Variants in GAS7 observed in about 807,000 individuals in gnomAD.
GAS7 encodes growth arrest-specific protein 7.
In GAS7, 28 loss-of-function variants were observed where a neutral mutation model predicts 71.1. That is an observed-to-expected ratio of 0.39 (90% CI 0.29 to 0.54). The LOEUF is 0.54. GAS7 is among the 20% of genes least tolerant of loss of function. The pLI, the probability that GAS7 is intolerant of heterozygous loss-of-function variation, is 0.62. For missense variants in GAS7, 436 were observed against 627.8 expected (o/e 0.69, Z 3.27); for synonymous variants, 258 against 245.8 (o/e 1.05, Z -0.46).
intron 1 of GAS7, among the ~76,000 whole-genome samples, chr17:10,079,775 C>G (rs1012396652): frequency 1.3e-5 from 2 of 152,202 alleles, no homozygotes; most frequent in African/African-American, 4.8e-5. Context: ...GTCATGGTCA[C>G]TCATATTTAG....
At chr17:10,102,714 T>C (rs780368467) in intron 1 of GAS7, among the ~76,000 whole-genome samples, 18 of 151,884 alleles carry the variant, frequency 1.2e-4, no homozygotes, top group Non-Finnish European at 2.1e-4. Flanking sequence ...TACCAATTAA[T>C]TCACAACCTC....
At chr17:10,035,430 C>CT (rs2072724806) in intron 1 of GAS7, among the ~76,000 whole-genome samples, 1 of 152,184 alleles carries the variant, frequency 6.6e-6, no homozygotes, top group African/African-American at 2.4e-5. Context: ...GCACGTTAAC[C>CT]TTTGAGAAGC....
In GAS7 at chr17:9,914,971, C is replaced by T. The variant is rs191328802; in HGVS notation, c.*2257G>A. 1.7e-3 allele frequency: 400 copies of T among 232,418 alleles called. 2 individuals are homozygous for T. The highest frequency in any genetic ancestry group is 3.7e-3 in the Admixed American group (65 of 17,768). 14.4% of individuals were successfully genotyped at this position (232,418 alleles called of 1,614,324 possible). ...AACGAGCGATCACGGGCTTCCCTGA[C>T]GACAGGGCCATTATAGTGTCCTCAG... On this transcript the variant is annotated 3_prime_UTR_variant, in exon 14 of 14. Transcript: ENST00000432992.
intron 1 of GAS7, among the ~76,000 whole-genome samples, chr17:10,128,728 T>C (rs1259993015): frequency 1.3e-5 from 2 of 151,370 alleles, no homozygotes; most frequent in Non-Finnish European, 2.9e-5. Flanking sequence ...CACACCATTC[T>C]CCTGCCTCAG....
intron 1 of GAS7, among the ~76,000 whole-genome samples, chr17:10,116,742 G>A (rs1423117029): frequency 2.0e-5 from 3 of 152,068 alleles, no homozygotes; most frequent in South Asian, 2.1e-4. Context: ...TACACCAGAC[G>A]CAGGTTTCGA....
intron 1 of GAS7, among the ~76,000 whole-genome samples, chr17:10,161,964 G>A (rs1477357355): frequency 6.6e-6 from 1 of 151,836 alleles, no homozygotes; most frequent in African/African-American, 2.4e-5. Context: ...CTACTCAGGA[G>A]GCTGAGGCAG....
intron 1 of GAS7, among the ~76,000 whole-genome samples, chr17:10,166,617 A>G (rs1025497723): frequency 7.2e-5 from 11 of 152,226 alleles, no homozygotes; most frequent in Admixed American, 5.2e-4. Flanking sequence ...ATGTGCACAC[A>G]CACATTTTGT....
intron 12 of GAS7, among the ~76,000 whole-genome samples, chr17:9,918,886 G>A (rs543526700): frequency 2.6e-5 from 4 of 152,250 alleles, no homozygotes; most frequent in Admixed American, 1.3e-4. Flanking sequence ...AGATTAACCA[G>A]GAGGAAAACT....
intron 2 of GAS7, among the ~76,000 whole-genome samples, chr17:10,012,685 G>A (rs1436197626): frequency 6.6e-6 from 1 of 152,188 alleles, no homozygotes; most frequent in Admixed American, 6.5e-5. Flanking sequence ...TGGTCTGAAT[G>A]TTTGTGTCCC....
intron 3 of GAS7, among the ~76,000 whole-genome samples, chr17:9,972,664 CTA>C (rs2070017978): frequency 6.6e-6 from 1 of 152,144 alleles, no homozygotes; most frequent in African/African-American, 2.4e-5. Flanking sequence ...CACAAATAAA[CTA>C]TCAATAAATG....
At position 9,911,462 on chromosome 17, in the gene GAS7, A is replaced by G. The variant is rs1327739823; in HGVS notation, c.*5766T>C. Reference sequence around the variant, plus strand: ...GGAACAGTCCTGAACACCACACGCAATCTCCAAAGGCCATCGCCCCAACCT... The same window carrying G: ...GGAACAGTCCTGAACACCACACGCAGTCTCCAAAGGCCATCGCCCCAACCT... On this transcript the variant is annotated 3_prime_UTR_variant, in exon 14 of 14. Transcript: ENST00000432992. This position sits in a 1 kb window ranked among gnomAD's most constrained non-coding sequence, Gnocchi z 4.0. 1.7e-5 allele frequency: 4 copies of G among 232,738 alleles called. No individual in the cohort carries two copies. The highest frequency in any genetic ancestry group is 3.4e-5 in the Non-Finnish European group (4 of 117,940). The allele number at this position is 232,738 out of a possible 1,614,324, so 14.4% of individuals were successfully genotyped here.
intron 1 of GAS7, among the ~76,000 whole-genome samples, chr17:10,136,324 T>C (rs900331466): frequency 2.0e-5 from 3 of 152,128 alleles, no homozygotes; most frequent in African/African-American, 7.2e-5. Context: ...CCTGGGGACA[T>C]CCAAACCCTT....
intron 1 of GAS7, among the ~76,000 whole-genome samples, chr17:10,037,617 T>C (rs1404060184): frequency 6.6e-6 from 1 of 152,060 alleles, no homozygotes; most frequent in Non-Finnish European, 1.5e-5. Context: ...GCTAAGCTGT[T>C]GTTTTACTAC....
chr17:10,103,824 T>A lies in GAS7; in HGVS notation c.184-83927A>T. On this transcript the variant is annotated intron_variant, in intron 1 of 13. Coordinates refer to ENST00000432992, the MANE Select transcript of GAS7 (RefSeq NM_201433.2). The surrounding 1 kb of genome is among the most constrained non-coding windows in gnomAD (Gnocchi z 5.5). The stretch of plus-strand genomic sequence containing the variant: ...CTGGGTGACACAGCAAGACTGCATC[T>A]CAAAAAATCTCAAAAAAAAAAAAAA... Among the ~76,000 whole-genome samples the A allele has an allele frequency of 7.0e-6, 1 of 143,162 alleles. No homozygotes were observed. 93.9% of individuals were successfully genotyped at this position (143,162 alleles called of 152,430 possible). A position where few individuals can be genotyped will look rare whatever the true frequency, so the allele number is the denominator to read the frequency against.
At chr17:10,185,698 C>CGCTCTCA (rs1230576115) in intron 1 of GAS7, among the ~76,000 whole-genome samples, 1 of 152,120 alleles carries the variant, frequency 6.6e-6, no homozygotes, top group Non-Finnish European at 1.5e-5. Flanking sequence ...TGTGGGACTG[C>CGCTCTCA]GCTCTCAGCC....
chr17:10,007,300 A>G (rs61344468), intron 2 of GAS7, among the ~76,000 whole-genome samples: 38,052 of 152,092 alleles, frequency 0.25, 7,550 homozygotes, highest in African/African-American at 0.56. Flanking sequence ...TGGCAATCAG[A>G]CAGAAAGACT....
chr17:10,061,498 C>T (rs1567575032), intron 1 of GAS7: 2 of 152,284 alleles, frequency 1.3e-5, no homozygotes, highest in African/African-American at 2.4e-5. Flanking sequence ...GCTGTCTGCC[C>T]CTCCTTGCCA....
intron 2 of GAS7, among the ~76,000 whole-genome samples, chr17:9,985,556 C>T (rs559026636): frequency 5.4e-4 from 83 of 152,370 alleles, no homozygotes; most frequent in Non-Finnish European, 8.5e-4. Flanking sequence ...ATCAAGATTG[C>T]TCTTCTTCCC....
In GAS7 at chr17:9,951,760, C is replaced by CAAAAAAAAA. The variant is rs59048492; in HGVS notation, c.526-4786_526-4778dup. On this transcript the variant is annotated intron_variant, in intron 5 of 13. Transcript: ENST00000432992. ...GGGCAACAAGAGCAAAACTCTGTCT[C>CAAAAAAAAA]AAAAAAAAAAAAAAAAAAAAAAAAA... Among the ~76,000 whole-genome samples the CAAAAAAAAA allele has an allele frequency of 8.4e-4, 58 of 69,006 alleles. 1 individual carries two copies. The highest frequency in any genetic ancestry group is 2.2e-3 in the African/African-American group (48 of 21,654). 45.3% of individuals were successfully genotyped at this position (69,006 alleles called of 152,430 possible).
Sources: allele counts gnomAD v4.1 joint callset (sites outside exome capture counted in the v4.1 genomes callset), GRCh38; gene constraint gnomAD v4.1.1; non-coding constraint Gnocchi (gnomAD v3.1); transcripts MANE v1.5; gene names NCBI Gene and HGNC (gene_info 2026-07-23, HGNC 2026-07-21).